Variants in CCDC171 observed in about 807,000 individuals in gnomAD.
The protein encoded by CCDC171 is coiled-coil domain containing 171, also known as coiled-coil domain-containing protein 171.
In CCDC171, 177 loss-of-function variants were observed where a neutral mutation model predicts 168.2. The observed-to-expected ratio is 1.05, with a 90% CI of 0.93 to 1.19. The LOEUF (loss-of-function observed/expected upper bound fraction) is 1.19, where lower values mean the gene tolerates loss of function less well. CCDC171 is among the 50% of genes most tolerant of loss of function. The pLI, the probability that CCDC171 is intolerant of heterozygous loss-of-function variation, is 0.00. For missense variants in CCDC171, 1,991 were observed against 1,539.0 expected (o/e 1.29, Z -4.91); for synonymous variants, 687 against 540.8 (o/e 1.27, Z -3.75).
chr9:15,561,690 A>G (rs1414104933), intron 1 of CCDC171, among the ~76,000 whole-genome samples: 5 of 152,100 alleles, frequency 3.3e-5, no homozygotes, highest in Admixed American at 2.0e-4. Flanking sequence ...TGGGAATCCC[A>G]TCATAGTTCA....
At chr9:15,763,355 G>A (rs1276469054) in intron 18 of CCDC171, among the ~76,000 whole-genome samples, 1 of 152,086 alleles carries the variant, frequency 6.6e-6, no homozygotes, top group East Asian at 1.9e-4. Flanking sequence ...CCACATTGTT[G>A]ACCTCAATAT....
chr9:15,695,344 T>C lies in CCDC171; in HGVS notation c.1318+7T>C, dbSNP rs1394905497. The C allele has an allele frequency of 6.2e-7, 1 of 1,607,704 alleles. No individual in the cohort carries two copies. Among genetic ancestry groups the C allele is most frequent in the East Asian group, 2.2e-5 (1 of 44,856 alleles). ...TCGGGCCAGTGGACATCAGGTTAGT[T>C]GAAGGTATAAAATGACAGATGCATC... On this transcript the variant is annotated splice_region_variant and intron_variant, in intron 11 of 25. Transcript: ENST00000380701.
At chr9:15,992,438 G>A (rs925720461) in intron 3 of CCDC171, among the ~76,000 whole-genome samples, 2 of 152,144 alleles carry the variant, frequency 1.3e-5, no homozygotes, top group African/African-American at 4.8e-5. Flanking sequence ...TTGATGGGAT[G>A]TATCTCAAAA....
At chr9:15,946,041 T>G (rs560900017) in intron 25 of CCDC171, among the ~76,000 whole-genome samples, 1 of 152,066 alleles carries the variant, frequency 6.6e-6, no homozygotes, top group African/African-American at 2.4e-5. Context: ...TTAATCCATC[T>G]TGAATTGATT....
chr9:15,702,785 T>C (rs977330430), intron 11 of CCDC171, among the ~76,000 whole-genome samples: 2 of 152,264 alleles, frequency 1.3e-5, no homozygotes, highest in Non-Finnish European at 2.9e-5. Flanking sequence ...TTTTGTGTTA[T>C]GCAGAAGGCT....
chr9:15,844,711 C>G (rs1308175587), intron 21 of CCDC171, among the ~76,000 whole-genome samples: 1 of 151,842 alleles, frequency 6.6e-6, no homozygotes, highest in Non-Finnish European at 1.5e-5. Flanking sequence ...TGTCGTTGCC[C>G]CTGAGACATG....
At chr9:15,694,164 C>T (rs2051035124) in intron 10 of CCDC171, among the ~76,000 whole-genome samples, 2 of 151,986 alleles carry the variant, frequency 1.3e-5, no homozygotes, top group Admixed American at 1.3e-4. Context: ...TGTTTGCTGA[C>T]TTCTTTTCTA....
intron 11 of CCDC171, among the ~76,000 whole-genome samples, chr9:15,707,190 G>T (rs757524920): frequency 6.6e-6 from 1 of 152,106 alleles, no homozygotes; most frequent in South Asian, 2.1e-4. Context: ...ATTCACTGAG[G>T]TTTACAAACC....
chr9:15,580,967 A>G (rs544530228), intron 4 of CCDC171, among the ~76,000 whole-genome samples: 2 of 152,232 alleles, frequency 1.3e-5, no homozygotes, highest in Non-Finnish European at 2.9e-5. Flanking sequence ...AGGGTATTCA[A>G]AAAGGAAAAG....
chr9:15,813,879 A>AT lies in CCDC171; in HGVS notation c.3267+29191dup, dbSNP rs1236801147. Reference sequence around the variant, plus strand: ...TAGATCTAGTTCTGGTGCACACACAATTTTTTAATTTAATTTAGTTGAGTA... The same window carrying AT: ...TAGATCTAGTTCTGGTGCACACACAATTTTTTTAATTTAATTTAGTTGAGTA... On this transcript the variant is annotated intron_variant, in intron 21 of 25. Transcript: ENST00000380701. Among the ~76,000 whole-genome samples the AT allele has an allele frequency of 4.6e-5, 7 of 152,278 alleles. No homozygotes were observed. In the East Asian group the frequency reaches 1.3e-3, roughly 29 times the overall value.
intron 24 of CCDC171, among the ~76,000 whole-genome samples, chr9:15,877,138 T>G (rs771097675): frequency 1.3e-5 from 2 of 151,972 alleles, no homozygotes; most frequent in Non-Finnish European, 2.9e-5. Context: ...GTTCAACTTG[T>G]TTCTGAGATC....
intron 6 of CCDC171, among the ~76,000 whole-genome samples, chr9:15,597,574 G>A (rs2042471734): frequency 1.3e-5 from 2 of 152,142 alleles, no homozygotes; most frequent in South Asian, 4.2e-4. Context: ...TTTTTGCATT[G>A]ATGTTCATCA....
chr9:15,765,347 A>G (rs567595324), intron 18 of CCDC171, among the ~76,000 whole-genome samples: 4 of 152,268 alleles, frequency 2.6e-5, no homozygotes, highest in African/African-American at 9.6e-5. Context: ...GGTAAGGGGA[A>G]TGATTCAACG....
rs115942968 is a variant in CCDC171 at position 15,562,610 on chromosome 9, C to T, written c.-111-1368C>T. ...TTGCCACACTTCTCTGCCCAATATA[C>T]GAAAACATGATTAAGGCCCTAACTA... is the stretch of plus-strand genomic sequence containing the variant. On this transcript the variant is annotated intron_variant, in intron 1 of 25. Coordinates refer to ENST00000380701, the MANE Select transcript of CCDC171 (RefSeq NM_173550.4). Among the ~76,000 whole-genome samples, 1,003 of 152,192 alleles carry T rather than the reference C, an allele frequency of 6.6e-3. 18 individuals are homozygous for T. The highest frequency in any genetic ancestry group is 0.023 in the African/African-American group (947 of 41,512).
intron 25 of CCDC171, among the ~76,000 whole-genome samples, chr9:15,934,392 A>G (rs1279024150): frequency 6.7e-6 from 1 of 148,590 alleles, no homozygotes; most frequent in Non-Finnish European, 1.5e-5. Flanking sequence ...CCTGTCTCAA[A>G]AAAAAAAAAA....
At chr9:15,964,844 T>C (rs1830648371) in intron 25 of CCDC171, among the ~76,000 whole-genome samples, 1 of 152,222 alleles carries the variant, frequency 6.6e-6, no homozygotes, top group African/African-American at 2.4e-5. Flanking sequence ...CACTGCAACC[T>C]CTGCCTCCTG....
intron 25 of CCDC171, among the ~76,000 whole-genome samples, chr9:15,969,385 A>T (rs1330157531): frequency 6.6e-6 from 1 of 152,198 alleles, no homozygotes; most frequent in East Asian, 1.9e-4. Flanking sequence ...GATTTGCAAG[A>T]ACAAAAAGGG....
At chr9:15,841,293 A>T (rs1451675410) in intron 21 of CCDC171, among the ~76,000 whole-genome samples, 2 of 152,124 alleles carry the variant, frequency 1.3e-5, no homozygotes, top group Non-Finnish European at 2.9e-5. Flanking sequence ...ATGAGGCAGA[A>T]ATAATATAGG....
intron 8 of CCDC171, among the ~76,000 whole-genome samples, chr9:15,658,635 A>G (rs2048106396): frequency 6.6e-6 from 1 of 152,122 alleles, no homozygotes; most frequent in African/African-American, 2.4e-5. Flanking sequence ...TATAACAGGG[A>G]GGCAGGAGGG....
Sources: gnomAD v4.1 joint callset for allele counts (sites outside exome capture counted in the v4.1 genomes callset) on GRCh38, gnomAD v4.1.1 for gene constraint, MANE v1.5 for transcripts, NCBI Gene and HGNC (gene_info 2026-07-23, HGNC 2026-07-21) for gene names.